P4HB: variants seen among roughly 807,000 people sequenced by gnomAD.
P4HB encodes the protein protein disulfide-isomerase.
In P4HB, 20 loss-of-function variants were observed where a neutral mutation model predicts 52.6. That is an observed-to-expected ratio of 0.38 (90% CI 0.27 to 0.55). The LOEUF (loss-of-function observed/expected upper bound fraction) is 0.55, where lower values mean the gene tolerates loss of function less well. P4HB is among the 20% of genes least tolerant of loss of function. The probability of loss-of-function intolerance (pLI) is 0.74; values close to 1 mark genes in which losing one functional copy is unlikely to be tolerated. For missense variants in P4HB, 601 were observed against 669.2 expected, an observed-to-expected ratio of 0.90 and a Z score of 1.12; for synonymous variants, 296 against 277.9, an observed-to-expected ratio of 1.07 and a Z score of -0.65.
chr17:81,847,222 G>A (rs1280903965), intron 5 of P4HB, 21 bp downstream of exon 5: 2 of 1,611,818 alleles, frequency 1.2e-6, no homozygotes, highest in Non-Finnish European at 1.7e-6. Context: ...CCCCAGCCTG[G>A]GGGCTGCAGG....
chr17:81,854,113 G>T (rs976749217), intron 4 of P4HB, among the ~76,000 whole-genome samples: 2 of 152,236 alleles, frequency 1.3e-5, no homozygotes, highest in East Asian at 3.8e-4. Context: ...GGGGCTGAGG[G>T]GCATACGAAG....
chr17:81,853,872 C>T (rs1240811238), intron 4 of P4HB, among the ~76,000 whole-genome samples: 1 of 152,246 alleles, frequency 6.6e-6, no homozygotes, highest in African/African-American at 2.4e-5. Context: ...TCAGCTGTCC[C>T]TAGAGCACAA....
intron 4 of P4HB, among the ~76,000 whole-genome samples, chr17:81,852,536 C>A (rs1206835666): frequency 6.6e-6 from 1 of 152,252 alleles, no homozygotes; most frequent in Non-Finnish European, 1.5e-5. Context: ...GGGGGCCGGG[C>A]TTCTGCCCGG....
At chr17:81,847,154 C>A in intron 5 of P4HB, 82 bp from the exon 6 acceptor site, 1 of 1,600,648 alleles carries the variant, frequency 6.2e-7, no homozygotes, top group Non-Finnish European at 8.6e-7. Flanking sequence ...CAATGTCAGA[C>A]GCTGGACAGC....
chr17:81,853,346 G>A (rs2038862182), intron 4 of P4HB, among the ~76,000 whole-genome samples: 1 of 152,170 alleles, frequency 6.6e-6, no homozygotes, highest in African/African-American at 2.4e-5. Flanking sequence ...GCCAAGGCAG[G>A]CGGATCATGA....
At chr17:81,851,319 A>AC (rs1189166912) in intron 4 of P4HB, among the ~76,000 whole-genome samples, 2 of 152,196 alleles carry the variant, frequency 1.3e-5, no homozygotes, top group African/African-American at 2.4e-5. Context: ...AGAGTAACTT[A>AC]GAGACCAGGT....
Position 81,845,973 on chromosome 17 carries a change from C to T in P4HB, c.1075G>A (p.Glu359Lys). The T allele has an allele frequency of 6.2e-7, 1 of 1,611,084 alleles. No homozygotes were observed. Among genetic ancestry groups the T allele is most frequent in the South Asian group, 1.1e-5 (1 of 90,796 alleles). Residue 359 changes from glutamate (E) to lysine (K), a missense_variant, in exon 8 of 11, where the codon GAG becomes AAG. Coordinates refer to ENST00000331483, the MANE Select transcript of P4HB (RefSeq NM_000918.4). Reference protein sequence around the residue: ...GKIKPHLMSQELPEDWDKQPV... With the variant: ...GKIKPHLMSQKLPEDWDKQPV... ...TGCTTGTCCCAGTCCTCCGGCAGCT[C>T]CTGGCTCATCAGGTGGGGCTGGAGG... is the stretch of plus-strand genomic sequence containing the variant.
intron 4 of P4HB, among the ~76,000 whole-genome samples, chr17:81,851,359 C>G (rs1161184627): frequency 2.0e-5 from 3 of 152,272 alleles, no homozygotes; most frequent in African/African-American, 7.2e-5. Flanking sequence ...CACGCTGTGC[C>G]TGGGCCACCC....
rs200205336 is a variant in P4HB at position 81,846,493 on chromosome 17, G to A, written c.992C>T (p.Ser331Leu). 1.9e-5 allele frequency: 31 copies of A among 1,613,826 alleles called. No individual in the cohort carries two copies. The East Asian group carries it at 3.6e-4, about 19-fold the overall frequency. Residue 331 changes from serine to leucine, a missense_variant, in exon 7 of 11, where the codon TCG becomes TTG. Ser to Leu is a moderately radical substitution (Grantham distance 145). Coordinates refer to ENST00000331483, the MANE Select transcript of P4HB (RefSeq NM_000918.4). The surrounding 1 kb of genome is among the most constrained non-coding windows in gnomAD (Gnocchi z 5.7). ...GATCCTCTCTGCCGTCAGCTCCTCCGATTCGGGCTTGTACTTGGTCATCTC... is the reference window on the plus strand; with the variant it reads ...GATCCTCTCTGCCGTCAGCTCCTCCAATTCGGGCTTGTACTTGGTCATCTC... ...EEEMTKYKPE[S>L]EELTAERITE... is the part of the protein sequence containing the mutation.
Position 81,846,717 on chromosome 17 carries a change from C to G in P4HB, c.856-88G>C. On this transcript the variant is annotated intron_variant, in intron 6 of 10. Transcript: ENST00000331483. This position sits in a 1 kb window ranked among gnomAD's most constrained non-coding sequence, Gnocchi z 5.7. ...CTTTGCTCGGAAGCAGACCGTGCTC[C>G]GGTGCCTTTTTCCTCCAACCTGGAT... The G allele has an allele frequency of 1.4e-6, 2 of 1,384,668 alleles. No homozygotes were observed. Among genetic ancestry groups the G allele is most frequent in the African/African-American group, 2.8e-5 (2 of 70,210 alleles). The allele number at this position is 1,384,668 out of a possible 1,614,324, so 85.8% of individuals were successfully genotyped here.
chr17:81,852,955 C>T (rs147299033), intron 4 of P4HB, among the ~76,000 whole-genome samples: 185 of 152,354 alleles, frequency 1.2e-3, no homozygotes, highest in Non-Finnish European at 2.2e-3. Flanking sequence ...AATAAAAGCT[C>T]TAAAAAGACC....
intron 4 of P4HB, among the ~76,000 whole-genome samples, chr17:81,848,654 T>C (rs2038776837): frequency 6.9e-6 from 1 of 144,748 alleles, no homozygotes; most frequent in South Asian, 2.2e-4. Context: ...GAGAATCGCT[T>C]GGACCCGGGA....
At position 81,855,356 on chromosome 17, in the gene P4HB, G is replaced by A. The variant is rs928030345; in HGVS notation, c.487-77C>T. On this transcript the variant is annotated intron_variant, in intron 3 of 10. Transcript: ENST00000331483. This position sits in a 1 kb window ranked among gnomAD's most constrained non-coding sequence, Gnocchi z 4.3. The stretch of plus-strand genomic sequence containing the variant: ...GTAGGGCAGACCCTGTAGAGCCCAG[G>A]CCAGGGGGGACACGTGCAGAACTGC... 5.0e-6 allele frequency: 8 copies of A among 1,601,436 alleles called. No homozygotes were observed. Among genetic ancestry groups the A allele is most frequent in the Non-Finnish European group, 6.0e-6 (7 of 1,170,846 alleles).
In P4HB at chr17:81,855,699, CTAAG is replaced by C. The variant is rs1201465886; in HGVS notation, c.353-117_353-114del. 6.5e-5 allele frequency: 82 copies of C among 1,266,858 alleles called. 1 individual carries two copies. The highest frequency in any genetic ancestry group is 2.5e-5 in the East Asian group (1 of 40,718). The allele number at this position is 1,266,858 out of a possible 1,614,324, so 78.5% of individuals were successfully genotyped here. A position where few individuals can be genotyped will look rare whatever the true frequency, so the allele number is the denominator to read the frequency against. On this transcript the variant is annotated intron_variant, in intron 2 of 10. Coordinates refer to ENST00000331483, the MANE Select transcript of P4HB (RefSeq NM_000918.4). The surrounding 1 kb of genome is among the most constrained non-coding windows in gnomAD (Gnocchi z 4.3). ...CCAGGCTGAGGACACCTGAATCAAC[CTAAG>C]TAAGATGTTCTCCCACCATGGAAGA... is the stretch of plus-strand genomic sequence containing the variant.
intron 4 of P4HB, among the ~76,000 whole-genome samples, chr17:81,848,671 G>C (rs1213007039): frequency 2.0e-5 from 3 of 149,826 alleles, no homozygotes; most frequent in Admixed American, 1.3e-4. Flanking sequence ...GGGAGGCGGA[G>C]GTTGCGGTGA....
intron 2 of P4HB, among the ~76,000 whole-genome samples, chr17:81,858,238 C>CTTCAGCCT (rs111460757): frequency 1.7e-5 from 2 of 119,226 alleles, no homozygotes. Flanking sequence ...CACCACTGCA[C>CTTCAGCCT]GACAGAGCGA....
At chr17:81,850,274 A>C (rs1240506223) in intron 4 of P4HB, among the ~76,000 whole-genome samples, 1 of 151,896 alleles carries the variant, frequency 6.6e-6, no homozygotes, top group Non-Finnish European at 1.5e-5. Context: ...CTGGGATTAC[A>C]GGTACGCGCC....
chr17:81,845,278 A>C, intron 9 of P4HB, 48 bp from the exon 10 acceptor site: 2 of 1,474,944 alleles, frequency 1.4e-6, no homozygotes. Flanking sequence ...GCCCAGAGCC[A>C]ATCTCCTGGC....
rs1256153869 is a variant in P4HB, at chr17:81,843,560, T to G, written c.*452A>C. The stretch of plus-strand genomic sequence containing the variant: ...ACTGAGTGACCATGTCCAGTCCGGC[T>G]CCGTCCCTCCCACACGGGGGACAAG... On this transcript the variant is annotated 3_prime_UTR_variant, in exon 11 of 11. Transcript: ENST00000331483. The G allele has an allele frequency of 1.2e-5, 5 of 431,058 alleles. No homozygotes were observed. The South Asian group carries it at 3.9e-4, about 33-fold the overall frequency. 26.7% of individuals were successfully genotyped at this position (431,058 alleles called of 1,614,324 possible).
Sources: allele counts gnomAD v4.1 joint callset (sites outside exome capture counted in the v4.1 genomes callset), GRCh38; gene constraint gnomAD v4.1.1; non-coding constraint Gnocchi (gnomAD v3.1); transcripts MANE v1.5; gene names NCBI Gene and HGNC (gene_info 2026-07-23, HGNC 2026-07-21).